SETBP1: variants seen among roughly 807,000 people sequenced by gnomAD.
SETBP1 encodes SET-binding protein.
SETBP1 carries 9 observed loss-of-function variants against 101.0 expected under a neutral mutation model. That is an observed-to-expected ratio of 0.09 (90% CI 0.05 to 0.16). The LOEUF is 0.16. SETBP1 is among the 10% of genes least tolerant of loss of function. The pLI, the probability that SETBP1 is intolerant of heterozygous loss-of-function variation, is 1.00. For synonymous variants in SETBP1, 818 were observed against 788.5 expected, an observed-to-expected ratio of 1.04 and a Z score of -0.63; for missense variants, 1,858 against 2,033.8, an observed-to-expected ratio of 0.91 and a Z score of 1.66.
chr18:44,979,658 C>A (rs1189935289), intron 4 of SETBP1, among the ~76,000 whole-genome samples: 1 of 152,118 alleles, frequency 6.6e-6, no homozygotes, highest in Non-Finnish European at 1.5e-5. Context: ...AGAAAGTATT[C>A]CAGAACTAAG....
Position 44,680,974 on chromosome 18 carries a change from G to A in SETBP1, c.-220G>A, listed in dbSNP as rs1280957320. ...GGGGGAATGTATCAGAATCTAACGT[G>A]TCGTTAATAGAAAGAAGAACAGGCA... On this transcript the variant is annotated 5_prime_UTR_variant, in exon 1 of 6. Transcript: ENST00000649279. The A allele has an allele frequency of 2.6e-5, 4 of 152,196 alleles. No individual in the cohort carries two copies. The highest frequency in any genetic ancestry group is 2.0e-4 in the Admixed American group (3 of 15,274). 9.4% of individuals were successfully genotyped at this position (152,196 alleles called of 1,614,324 possible).
intron 3 of SETBP1, among the ~76,000 whole-genome samples, chr18:44,888,424 T>A (rs2069697374): frequency 1.3e-5 from 2 of 152,114 alleles, no homozygotes; most frequent in Admixed American, 6.6e-5. Flanking sequence ...ATTTCAAAGC[T>A]GATGCTGTTC....
intron 5 of SETBP1, among the ~76,000 whole-genome samples, chr18:45,053,302 C>CCAGAGTGAT (rs887326408): frequency 5.3e-5 from 8 of 151,958 alleles, no homozygotes; most frequent in African/African-American, 1.9e-4. Flanking sequence ...GATATAATCT[C>CCAGAGTGAT]CAGAGAGTGA....
Position 44,833,226 on chromosome 18 carries a change from G to C in SETBP1, c.487-36004G>C, listed in dbSNP as rs141526290. On this transcript the variant is annotated intron_variant, in intron 2 of 5. Transcript: ENST00000649279. Reference sequence around the variant, plus strand: ...TGATTTATGCTGGAGGTGGGGCTCAGCCCTCCAGGTATTTCTGACACATGT... The same window carrying C: ...TGATTTATGCTGGAGGTGGGGCTCACCCCTCCAGGTATTTCTGACACATGT... Among the ~76,000 whole-genome samples, 929 of 152,344 alleles carry C rather than the reference G, an allele frequency of 6.1e-3. 5 individuals are homozygous for C. The highest frequency in any genetic ancestry group is 0.01 in the Non-Finnish European group (700 of 68,032).
At chr18:44,681,827 C>T (rs937592742) in intron 1 of SETBP1, among the ~76,000 whole-genome samples, 9 of 152,078 alleles carry the variant, frequency 5.9e-5, no homozygotes, top group Middle Eastern at 3.2e-3. Flanking sequence ...CTGATAATCT[C>T]ACGGTTGACA....
chr18:44,822,995 G>T (rs1356652171), intron 2 of SETBP1, among the ~76,000 whole-genome samples: 1 of 152,196 alleles, frequency 6.6e-6, no homozygotes, highest in Non-Finnish European at 1.5e-5. Context: ...AATACATGTG[G>T]TGGTGTTAGC....
intron 3 of SETBP1, among the ~76,000 whole-genome samples, chr18:44,932,925 G>A (rs770757568): frequency 9.2e-5 from 14 of 152,158 alleles, no homozygotes; most frequent in Non-Finnish European, 1.8e-4. Flanking sequence ...TGTTATTACC[G>A]ATCATTTGAA....
intron 1 of SETBP1, among the ~76,000 whole-genome samples, chr18:44,695,831 A>T (rs1398034138): frequency 6.6e-6 from 1 of 152,092 alleles, no homozygotes; most frequent in Admixed American, 6.5e-5. Context: ...TAAAAATAAT[A>T]AGCTAGTGAA....
chr18:44,722,695 A>T (rs564732659), intron 2 of SETBP1, among the ~76,000 whole-genome samples: 7 of 152,286 alleles, frequency 4.6e-5, no homozygotes, highest in African/African-American at 1.4e-4. Flanking sequence ...ACGCTCATGA[A>T]GGGACTGGTT....
At position 44,758,662 on chromosome 18, in the gene SETBP1, G is replaced by A. The variant is rs533218656; in HGVS notation, c.486+56830G>A. On this transcript the variant is annotated intron_variant, in intron 2 of 5. Coordinates refer to ENST00000649279, the MANE Select transcript of SETBP1 (RefSeq NM_015559.3). Reference sequence around the variant, plus strand: ...CTCCCAAAGTGCTGGGATTACAGGCGTGAGCCACCACGCCCGGCCTGAAAG... The same window carrying A: ...CTCCCAAAGTGCTGGGATTACAGGCATGAGCCACCACGCCCGGCCTGAAAG... Among the ~76,000 whole-genome samples the A allele has an allele frequency of 4.6e-5, 7 of 152,338 alleles. No individual in the cohort carries two copies. In the South Asian group the frequency reaches 1.0e-3, roughly 23 times the overall value.
intron 2 of SETBP1, among the ~76,000 whole-genome samples, chr18:44,846,180 C>T (rs957365809): frequency 1.3e-5 from 2 of 152,198 alleles, no homozygotes; most frequent in African/African-American, 4.8e-5. Context: ...TCAGGCCACA[C>T]TTCTCAACTG....
At chr18:44,931,199 CAGT>C (rs1221465922) in intron 3 of SETBP1, among the ~76,000 whole-genome samples, 1 of 152,172 alleles carries the variant, frequency 6.6e-6, no homozygotes, top group Admixed American at 6.5e-5. Context: ...ATTATGTACC[CAGT>C]AGTCATTCAG....
chr18:44,844,463 A>G (rs2072685489), intron 2 of SETBP1, among the ~76,000 whole-genome samples: 1 of 152,072 alleles, frequency 6.6e-6, no homozygotes, highest in African/African-American at 2.4e-5. Context: ...TGCTCTGGAG[A>G]CCATGCATGG....
chr18:44,930,570 CT>C (rs1291304481), intron 3 of SETBP1, among the ~76,000 whole-genome samples: 1 of 152,108 alleles, frequency 6.6e-6, no homozygotes, highest in African/African-American at 2.4e-5. Flanking sequence ...TGGTCCTAGA[CT>C]TTTTTTGATT....
chr18:44,930,687 T>A (rs1428627256), intron 3 of SETBP1, among the ~76,000 whole-genome samples: 1 of 152,236 alleles, frequency 6.6e-6, no homozygotes, highest in Non-Finnish European at 1.5e-5. Flanking sequence ...GTCCAGGAAT[T>A]TATCCATTTC....
chr18:45,066,837 C>G lies in SETBP1; in HGVS notation c.*3139C>G, dbSNP rs1162544397. The stretch of plus-strand genomic sequence containing the variant: ...AGATGCAGACCCACTTGTAAGGAGT[C>G]TGGTTAGTGATGAGAAAAGGATGAA... On this transcript the variant is annotated 3_prime_UTR_variant, in exon 6 of 6. Coordinates refer to ENST00000649279, the MANE Select transcript of SETBP1 (RefSeq NM_015559.3). The G allele has an allele frequency of 2.0e-5, 3 of 152,040 alleles. No individual in the cohort carries two copies. Among genetic ancestry groups the G allele is most frequent in the Non-Finnish European group, 4.4e-5 (3 of 68,024 alleles). 9.4% of individuals were successfully genotyped at this position (152,040 alleles called of 1,614,324 possible).
chr18:44,695,808 T>C (rs2069005259), intron 1 of SETBP1, among the ~76,000 whole-genome samples: 1 of 152,164 alleles, frequency 6.6e-6, no homozygotes, highest in South Asian at 2.1e-4. Context: ...TACAGTAAAA[T>C]TTTTTTAAAA....
intron 4 of SETBP1, among the ~76,000 whole-genome samples, chr18:44,965,227 C>T (rs1361361893): frequency 6.6e-6 from 1 of 151,752 alleles, no homozygotes; most frequent in African/African-American, 2.4e-5. Flanking sequence ...GTTTCTTTTA[C>T]AATTACCACT....
At chr18:45,036,782 T>C (rs2096082828) in intron 4 of SETBP1, among the ~76,000 whole-genome samples, 1 of 152,206 alleles carries the variant, frequency 6.6e-6, no homozygotes, top group African/African-American at 2.4e-5. Flanking sequence ...TATCCAGGTG[T>C]GATACTGGGG....
Sources: allele counts gnomAD v4.1 joint callset (sites outside exome capture counted in the v4.1 genomes callset), GRCh38; gene constraint gnomAD v4.1.1; transcripts MANE v1.5; gene names NCBI Gene and HGNC (gene_info 2026-07-23, HGNC 2026-07-21).